Variants in PTPRM observed in about 807,000 individuals in gnomAD.
PTPRM encodes the protein protein tyrosine phosphatase receptor type M.
A neutral mutation model predicts 186.7 loss-of-function variants in PTPRM; 47 were observed. The ratio of observed to expected loss-of-function variants is 0.25; its 90% confidence interval spans 0.20 to 0.32. PTPRM has a LOEUF of 0.32. PTPRM is among the 10% of genes least tolerant of loss of function. The pLI, the probability that PTPRM is intolerant of heterozygous loss-of-function variation, is 1.00. For missense variants in PTPRM, 1,494 were observed against 1,865.0 expected (o/e 0.80, Z 3.66); for synonymous variants, 668 against 674.9 (o/e 0.99, Z 0.16).
chr18:8,208,045 G>A (rs967975595), intron 14 of PTPRM, among the ~76,000 whole-genome samples: 1 of 152,208 alleles, frequency 6.6e-6, no homozygotes, highest in Non-Finnish European at 1.5e-5. Context: ...GGACTACCGA[G>A]GTCAGAGGAA....
intron 15 of PTPRM, among the ~76,000 whole-genome samples, chr18:8,244,663 C>G (rs1290141598): frequency 6.6e-6 from 1 of 152,156 alleles, no homozygotes; most frequent in Admixed American, 6.5e-5. Flanking sequence ...CTGTCAGTGT[C>G]AATTAATAAA....
chr18:8,223,085 G>A lies in PTPRM; in HGVS notation c.2301-20973G>A, dbSNP rs527723428. ...CTAAGAGTACAAAAATTAGCCGGGC[G>A]TGGTGGCACATGCCTGTAGTCTCAG... is the stretch of plus-strand genomic sequence containing the variant. On this transcript the variant is annotated intron_variant, in intron 14 of 32. Coordinates refer to ENST00000580170, the MANE Select transcript of PTPRM (RefSeq NM_001105244.2). Among the ~76,000 whole-genome samples, 32 of 152,246 alleles carry A rather than the reference G, an allele frequency of 2.1e-4. No individual in the cohort carries two copies. In the South Asian group the frequency reaches 6.0e-3, roughly 29 times the overall value.
intron 23 of PTPRM, among the ~76,000 whole-genome samples, chr18:8,370,246 G>T (rs1441936149): frequency 1.3e-5 from 2 of 151,892 alleles, no homozygotes; most frequent in South Asian, 2.1e-4. Context: ...TGACAGTGGA[G>T]TGCTTCAGTG....
At chr18:8,048,478 T>C (rs1242114621) in intron 7 of PTPRM, among the ~76,000 whole-genome samples, 2 of 151,952 alleles carry the variant, frequency 1.3e-5, no homozygotes, top group Non-Finnish European at 2.9e-5. Flanking sequence ...TTTTCTGTCA[T>C]CTCATTCCCC....
chr18:7,692,588 T>C (rs2039757653), intron 1 of PTPRM, among the ~76,000 whole-genome samples: 1 of 152,234 alleles, frequency 6.6e-6, no homozygotes, highest in Non-Finnish European at 1.5e-5. Flanking sequence ...TTTTGAATCA[T>C]TATGTGAAAC....
intron 1 of PTPRM, among the ~76,000 whole-genome samples, chr18:7,761,746 C>T (rs1385399874): frequency 2.6e-5 from 4 of 152,114 alleles, no homozygotes. Context: ...GTTCTCTTAT[C>T]CCTTCCCCTT....
intron 19 of PTPRM, among the ~76,000 whole-genome samples, chr18:8,274,684 A>G (rs1005403802): frequency 3.3e-5 from 5 of 152,212 alleles, no homozygotes; most frequent in African/African-American, 1.2e-4. Context: ...ATACTGTTAG[A>G]TATGCAGAGC....
intron 1 of PTPRM, among the ~76,000 whole-genome samples, chr18:7,577,757 G>C (rs2036726213): frequency 1.3e-5 from 2 of 152,218 alleles, no homozygotes; most frequent in Non-Finnish European, 1.5e-5. Context: ...GGCTCTCATT[G>C]GCATTGTGTT....
intron 2 of PTPRM, among the ~76,000 whole-genome samples, chr18:7,856,330 G>A (rs1201707381): frequency 6.6e-6 from 1 of 152,194 alleles, no homozygotes; most frequent in Non-Finnish European, 1.5e-5. Flanking sequence ...ATGCAACTAT[G>A]ATAGCAGTTT....
chr18:8,271,958 T>A (rs1231721467), intron 19 of PTPRM, among the ~76,000 whole-genome samples: 1 of 152,184 alleles, frequency 6.6e-6, no homozygotes, highest in East Asian at 1.9e-4. Flanking sequence ...ACGCCTGTAA[T>A]CCCAGCACTC....
chr18:7,644,281 TGCTC>T (rs1248221133), intron 1 of PTPRM, among the ~76,000 whole-genome samples: 2 of 152,180 alleles, frequency 1.3e-5, no homozygotes, highest in Non-Finnish European at 2.9e-5. Flanking sequence ...AAGAGAAAGA[TGCTC>T]GTATTTATGT....
At chr18:8,084,716 T>C (rs760527164) in intron 9 of PTPRM, among the ~76,000 whole-genome samples, 1 of 152,184 alleles carries the variant, frequency 6.6e-6, no homozygotes, top group Non-Finnish European at 1.5e-5. Context: ...TTTAAAACTT[T>C]CGAATATGCC....
Position 8,398,824 on chromosome 18 carries a change from C to T in PTPRM, c.4344+4213C>T, listed in dbSNP as rs189459297. 2.6e-3 allele frequency among the ~76,000 whole-genome samples: 385 copies of T among 150,654 alleles called. 1 individual carries two copies. The highest frequency in any genetic ancestry group is 9.1e-3 in the African/African-American group (371 of 40,850). On this transcript the variant is annotated intron_variant, in intron 32 of 32. Transcript: ENST00000580170. ...TCACAAAAGGCCACATATTCTATGA[C>T]TCCTTGTCTGTGAAATGTTCAAAAC... is the stretch of plus-strand genomic sequence containing the variant.
At chr18:7,767,956 C>G (rs1262597298) in intron 1 of PTPRM, among the ~76,000 whole-genome samples, 1 of 152,132 alleles carries the variant, frequency 6.6e-6, no homozygotes, top group Non-Finnish European at 1.5e-5. Context: ...TTGGAAATTT[C>G]CAGGCAAAAT....
chr18:7,841,293 T>TC (rs1598997449), intron 2 of PTPRM, among the ~76,000 whole-genome samples: 3 of 135,322 alleles, frequency 2.2e-5, no homozygotes, highest in Admixed American at 2.2e-4. Context: ...TTTTTTTTTT[T>TC]TTTTTTTTTT....
chr18:8,136,487 T>A (rs1175598158), intron 13 of PTPRM, among the ~76,000 whole-genome samples: 1 of 152,208 alleles, frequency 6.6e-6, no homozygotes, highest in East Asian at 1.9e-4. Context: ...AAAGATTGAT[T>A]TTTTTAGAGA....
chr18:8,035,935 CAT>C (rs1476100137), intron 7 of PTPRM, among the ~76,000 whole-genome samples: 1 of 152,142 alleles, frequency 6.6e-6, no homozygotes, highest in Non-Finnish European at 1.5e-5. Context: ...ATAATACTGA[CAT>C]ATTTATTATG....
intron 14 of PTPRM, among the ~76,000 whole-genome samples, chr18:8,215,936 A>G (rs1264610652): frequency 6.6e-6 from 1 of 151,922 alleles, no homozygotes; most frequent in East Asian, 1.9e-4. Flanking sequence ...AACCTATTTC[A>G]CTTAACCCAG....
intron 13 of PTPRM, among the ~76,000 whole-genome samples, chr18:8,124,322 CT>C (rs2092271239): frequency 6.6e-6 from 1 of 152,164 alleles, no homozygotes; most frequent in Non-Finnish European, 1.5e-5. Flanking sequence ...AATAATATTT[CT>C]TTTGCATTTT....
Sources: allele counts gnomAD v4.1 joint callset (sites outside exome capture counted in the v4.1 genomes callset), GRCh38; gene constraint gnomAD v4.1.1; transcripts MANE v1.5; gene names NCBI Gene and HGNC (gene_info 2026-07-23, HGNC 2026-07-21).